Variants in TMOD3 observed in about 807,000 individuals in gnomAD.
TMOD3 encodes tropomodulin 3, also known as tropomodulin-3.
Under a neutral mutation model 39.2 loss-of-function variants are expected in TMOD3, and 20 were observed. The observed-to-expected ratio is 0.51, with a 90% CI of 0.36 to 0.74. The LOEUF is 0.74. TMOD3 is among the 30% of genes least tolerant of loss of function. The pLI is 0.00. For synonymous variants in TMOD3, 143 were observed against 145.8 expected (o/e 0.98, Z 0.14); for missense variants, 381 against 412.8 (o/e 0.92, Z 0.67).
chr15:51,895,268 G>C (rs2056614825), intron 6 of TMOD3, among the ~76,000 whole-genome samples: 1 of 149,880 alleles, frequency 6.7e-6, no homozygotes, highest in South Asian at 2.1e-4. Context: ...CCAGGCTGGA[G>C]TGCAGTGGTG....
At position 51,912,054 on chromosome 15, in the gene TMOD3, A is replaced by G. The variant is rs1244607109; in HGVS notation, c.*3244A>G. The G allele has an allele frequency of 6.6e-6, 1 of 152,222 alleles. No homozygotes were observed. Among genetic ancestry groups the G allele is most frequent in the Non-Finnish European group, 1.5e-5 (1 of 68,036 alleles). The allele number at this position is 152,222 out of a possible 1,614,324, so 9.4% of individuals were successfully genotyped here. A position where few individuals can be genotyped will look rare whatever the true frequency, so the allele number is the denominator to read the frequency against. On this transcript the variant is annotated 3_prime_UTR_variant, in exon 10 of 10. Coordinates refer to ENST00000308580, the MANE Select transcript of TMOD3 (RefSeq NM_014547.5). ...AAGTTACATGTAAATAGAATTCTATAAATTGTTTTCCAGTTGACCGAGTAT... is the reference window on the plus strand; with the variant it reads ...AAGTTACATGTAAATAGAATTCTATGAATTGTTTTCCAGTTGACCGAGTAT...
intron 6 of TMOD3, among the ~76,000 whole-genome samples, chr15:51,896,008 T>G (rs1305300599): frequency 6.6e-6 from 1 of 152,116 alleles, no homozygotes; most frequent in African/African-American, 2.4e-5. Context: ...CTTGGGAGGC[T>G]GAGGCAGGAG....
chr15:51,880,344 C>T (rs758817431), intron 3 of TMOD3, among the ~76,000 whole-genome samples: 8 of 151,956 alleles, frequency 5.3e-5, no homozygotes, highest in Middle Eastern at 3.4e-3. Context: ...GATATAATTC[C>T]CATATCATAA....
intron 7 of TMOD3, among the ~76,000 whole-genome samples, chr15:51,899,528 T>A (rs1012378045): frequency 1.3e-5 from 2 of 151,772 alleles, no homozygotes; most frequent in Non-Finnish European, 2.9e-5. Flanking sequence ...TAGCCGGGCA[T>A]GGTGGCACAC....
chr15:51,857,766 A>T (rs909274241), intron 1 of TMOD3, among the ~76,000 whole-genome samples: 20 of 149,748 alleles, frequency 1.3e-4, no homozygotes, highest in Admixed American at 6.0e-4. Flanking sequence ...TCCAAACATT[A>T]AAAAAAAAGC....
intron 1 of TMOD3, among the ~76,000 whole-genome samples, chr15:51,846,463 G>C (rs187611039): frequency 1.5e-3 from 221 of 152,282 alleles, no homozygotes; most frequent in Non-Finnish European, 2.4e-3. Flanking sequence ...TTTTAGACCT[G>C]GCCTAGTTTA....
intron 5 of TMOD3, among the ~76,000 whole-genome samples, chr15:51,892,070 T>G (rs1423289156): frequency 8.5e-6 from 1 of 117,188 alleles, no homozygotes; most frequent in Admixed American, 9.4e-5. Context: ...CTTCTCAAGA[T>G]GCTGTGTGTG....
chr15:51,887,477 C>A (rs1029791875), intron 3 of TMOD3, 112 bp from the exon 4 acceptor site: 4 of 1,109,886 alleles, frequency 3.6e-6, no homozygotes, highest in African/African-American at 3.2e-5. Flanking sequence ...AAATTACTGT[C>A]GATGTTAATC....
At position 51,910,783 on chromosome 15, in the gene TMOD3, T is replaced by G. The variant is rs1135871; in HGVS notation, c.*1973T>G. The G allele has an allele frequency of 0.42, 63,549 of 150,326 alleles. 13,623 individuals are homozygous for G. The highest frequency in any genetic ancestry group is 0.51 in the Admixed American group (7,692 of 15,060). 9.3% of individuals were successfully genotyped at this position (150,326 alleles called of 1,614,324 possible). ...TTGGTTTGTTTTGGTTTTTTGGTTT[T>G]GTTTTGTTTTGTTTTTTAAATCAGT... On this transcript the variant is annotated 3_prime_UTR_variant, in exon 10 of 10. Transcript: ENST00000308580.
rs150520922 is a variant in TMOD3, at chr15:51,850,330, C to T, written c.-74-12481C>T. 1.8e-3 allele frequency among the ~76,000 whole-genome samples: 279 copies of T among 152,150 alleles called. 2 individuals are homozygous for T. The highest frequency in any genetic ancestry group is 1.8e-3 in the Non-Finnish European group (123 of 68,008). On this transcript the variant is annotated intron_variant, in intron 1 of 9. Transcript: ENST00000308580. ...AGGGATGGGATCTGGTTCCAAGAGG[C>T]AGGATTGGCCTTAGGTAAGAGACTG...
In TMOD3 at chr15:51,905,412, AG is replaced by A. The variant is rs1038931798; in HGVS notation, c.1025-3363del. Among the ~76,000 whole-genome samples, 5 of 152,070 alleles carry A rather than the reference AG, an allele frequency of 3.3e-5. No homozygotes were observed. The South Asian group carries it at 6.2e-4, about 19-fold the overall frequency. On this transcript the variant is annotated intron_variant, in intron 9 of 9. Coordinates refer to ENST00000308580, the MANE Select transcript of TMOD3 (RefSeq NM_014547.5). ...TGAGGCATGAGAATTGGTTGAACCC[AG>A]AAGGCGGAGGTTGCAGTGAGCCGAG...
At chr15:51,873,560 T>G (rs909985202) in intron 3 of TMOD3, among the ~76,000 whole-genome samples, 1 of 152,236 alleles carries the variant, frequency 6.6e-6, no homozygotes, top group Non-Finnish European at 1.5e-5. Context: ...CAGGGTGCAG[T>G]ACCTAATGGC....
At chr15:51,839,165 CTTT>C (rs60102349) in intron 1 of TMOD3, among the ~76,000 whole-genome samples, 1 of 108,968 alleles carries the variant, frequency 9.2e-6, no homozygotes, top group African/African-American at 3.1e-5. Flanking sequence ...GTGTATCTCT[CTTT>C]TTTTTTTTTT....
At chr15:51,898,226 A>T (rs1195534482) in intron 7 of TMOD3, among the ~76,000 whole-genome samples, 1 of 152,038 alleles carries the variant, frequency 6.6e-6, no homozygotes, top group Non-Finnish European at 1.5e-5. Flanking sequence ...TGCCATGTGG[A>T]CTCCCAAATC....
At chr15:51,893,975 T>C (rs1173216720) in intron 6 of TMOD3, 30 bp downstream of exon 6, 2 of 1,511,106 alleles carry the variant, frequency 1.3e-6, no homozygotes, top group Non-Finnish European at 8.9e-7. Flanking sequence ...TGGTTTTGTA[T>C]TGCTTTGAGT....
rs2056700983 is a variant in TMOD3 at position 51,909,795 on chromosome 15, C to T, written c.*985C>T. The T allele has an allele frequency of 3.3e-5, 5 of 152,148 alleles. No individual in the cohort carries two copies. The allele number at this position is 152,148 out of a possible 1,614,324, so 9.4% of individuals were successfully genotyped here. On this transcript the variant is annotated 3_prime_UTR_variant, in exon 10 of 10. Coordinates refer to ENST00000308580, the MANE Select transcript of TMOD3 (RefSeq NM_014547.5). ...GTATGTAAATTACTTGGTGTTACAC[C>T]ATATCCGAAGAAGTTCCTATGTGCA...
chr15:51,860,123 C>T (rs540497104), intron 1 of TMOD3: 24 of 476,880 alleles, frequency 5.0e-5, no homozygotes, highest in East Asian at 1.1e-4. Context: ...GCTCTTCTCC[C>T]GTTTGTGACT....
chr15:51,900,370 A>G, intron 8 of TMOD3, 72 bp downstream of exon 8: 1 of 1,557,150 alleles, frequency 6.4e-7, no homozygotes, highest in South Asian at 1.2e-5. Context: ...GCGACTCAGG[A>G]TGGGGATGGG....
intron 1 of TMOD3, among the ~76,000 whole-genome samples, chr15:51,852,112 T>G (rs1489041315): frequency 6.6e-6 from 1 of 152,248 alleles, no homozygotes; most frequent in African/African-American, 2.4e-5. Flanking sequence ...AGGGAGCTTG[T>G]CTGTCTTGTA....
Sources: gnomAD v4.1 joint callset for allele counts (sites outside exome capture counted in the v4.1 genomes callset) on GRCh38, gnomAD v4.1.1 for gene constraint, MANE v1.5 for transcripts, NCBI Gene and HGNC (gene_info 2026-07-23, HGNC 2026-07-21) for gene names.